The following ARHGAP24 variants were observed in gnomAD, a reference collection of about 807,000 sequenced individuals.
ARHGAP24 encodes rho GTPase-activating protein 24.
ARHGAP24 carries 50 observed loss-of-function variants against 76.4 expected under a neutral mutation model. The observed-to-expected ratio is 0.65, with a 90% confidence interval of 0.52 to 0.83. The LOEUF is 0.83. Ranked by LOEUF, ARHGAP24 falls within the 40% of genes least tolerant of loss-of-function variation. The pLI is 0.00. For missense variants in ARHGAP24, 930 were observed against 914.2 expected, an observed-to-expected ratio of 1.02 and a Z score of -0.22; for synonymous variants, 345 against 323.3, an observed-to-expected ratio of 1.07 and a Z score of -0.72.
chr4:85,995,361 C>T lies in ARHGAP24; in HGVS notation c.1707C>T (p.Asn569=), dbSNP rs948069932. The change falls in exon 9 of 10, where the codon AAC becomes AAT. Residue 569 remains asparagine, a synonymous_variant. Transcript: ENST00000395184. Reference sequence around the variant, plus strand: ...AAATCTCCCTCCCTGAGAACTCCAACTCCTGTCGCTCTTCTACCACCACCT... The same window carrying T: ...AAATCTCCCTCCCTGAGAACTCCAATTCCTGTCGCTCTTCTACCACCACCT... ...SCEISLPENS[N]SCRSSTTTCP... 2.5e-6 allele frequency: 4 copies of T among 1,613,982 alleles called. No individual in the cohort carries two copies. The highest frequency in any genetic ancestry group is 3.4e-6 in the Non-Finnish European group (4 of 1,180,012).
chr4:85,795,732 T>C (rs78851610), intron 3 of ARHGAP24, among the ~76,000 whole-genome samples: 5,389 of 139,740 alleles, frequency 0.039, 119 homozygotes, highest in East Asian at 0.09. Flanking sequence ...TAATGTAATA[T>C]GGTAAAAAAA....
chr4:85,967,489 G>C (rs912038184), intron 5 of ARHGAP24, among the ~76,000 whole-genome samples: 8 of 152,040 alleles, frequency 5.3e-5, no homozygotes, highest in Non-Finnish European at 1.2e-4. Context: ...CTCCCTTTAA[G>C]TTTGTAAAAA....
At chr4:85,954,882 T>C (rs1737821366) in intron 5 of ARHGAP24, among the ~76,000 whole-genome samples, 1 of 152,154 alleles carries the variant, frequency 6.6e-6, no homozygotes, top group Non-Finnish European at 1.5e-5. Flanking sequence ...TGGTGGCGCA[T>C]GCCTGTAATC....
At chr4:85,817,314 G>A (rs1729282483) in intron 3 of ARHGAP24, among the ~76,000 whole-genome samples, 1 of 152,140 alleles carries the variant, frequency 6.6e-6, no homozygotes, top group African/African-American at 2.4e-5. Flanking sequence ...TTTATAAGGA[G>A]TGATATCCAA....
intron 1 of ARHGAP24, among the ~76,000 whole-genome samples, chr4:85,505,143 T>A (rs1356962033): frequency 6.6e-6 from 1 of 152,212 alleles, no homozygotes; most frequent in East Asian, 1.9e-4. Flanking sequence ...TCTCTCTGGC[T>A]GCCCTTAACA....
At chr4:85,828,077 G>A (rs1729807161) in intron 3 of ARHGAP24, 1 of 863,602 alleles carries the variant, frequency 1.2e-6, no homozygotes, top group Non-Finnish European at 1.7e-6. Context: ...CACAAATTCA[G>A]GACCTAGACT....
intron 3 of ARHGAP24, among the ~76,000 whole-genome samples, chr4:85,912,893 G>A (rs4693750): frequency 0.64 from 97,248 of 151,696 alleles, 31,893 homozygotes; most frequent in East Asian, 0.99. Context: ...GATGTTTTCT[G>A]TATTTGTAAA....
At chr4:85,940,831 T>C in intron 4 of ARHGAP24, among the ~76,000 whole-genome samples, 1 of 152,166 alleles carries the variant, frequency 6.6e-6, no homozygotes, top group East Asian at 1.9e-4. Flanking sequence ...AGAATAGTTG[T>C]GTTTCCTGTT....
chr4:85,867,357 G>A lies in ARHGAP24; in HGVS notation c.269-56291G>A, dbSNP rs189692612. Among the ~76,000 whole-genome samples, 1,077 of 152,176 alleles carry A rather than the reference G, an allele frequency of 7.1e-3. 10 individuals are homozygous for A. The highest frequency in any genetic ancestry group is 0.025 in the African/African-American group (1,030 of 41,522). Reference sequence around the variant, plus strand: ...GGATCTTATTGTCATGGATTCTAGTGCGTTTACACTCAAAGTCAAAAGTAA... The same window carrying A: ...GGATCTTATTGTCATGGATTCTAGTACGTTTACACTCAAAGTCAAAAGTAA... On this transcript the variant is annotated intron_variant, in intron 3 of 9. Transcript: ENST00000395184.
chr4:85,896,757 G>T (rs9790433), intron 3 of ARHGAP24, among the ~76,000 whole-genome samples: 50,383 of 151,828 alleles, frequency 0.33, 8,728 homozygotes, highest in South Asian at 0.43. Flanking sequence ...CTTTCTGTTT[G>T]GGGAGCCTCT....
intron 3 of ARHGAP24, among the ~76,000 whole-genome samples, chr4:85,913,161 C>G (rs1735181135): frequency 6.6e-6 from 1 of 152,038 alleles, no homozygotes; most frequent in Non-Finnish European, 1.5e-5. Context: ...TTTCTCTACT[C>G]CTTAATACAT....
intron 3 of ARHGAP24, among the ~76,000 whole-genome samples, chr4:85,903,495 G>C (rs1041123159): frequency 6.6e-6 from 1 of 151,922 alleles, no homozygotes; most frequent in African/African-American, 2.4e-5. Context: ...TCATTTAAAA[G>C]CTGTAAAAAT....
intron 3 of ARHGAP24, among the ~76,000 whole-genome samples, chr4:85,903,147 C>G (rs866219966): frequency 6.6e-6 from 1 of 152,140 alleles, no homozygotes; most frequent in African/African-American, 2.4e-5. Flanking sequence ...TGAGTTTTTT[C>G]TTAAATGAGA....
intron 1 of ARHGAP24, among the ~76,000 whole-genome samples, chr4:85,476,671 A>G (rs1722612086): frequency 6.6e-6 from 1 of 152,246 alleles, no homozygotes; most frequent in South Asian, 2.1e-4. Flanking sequence ...CGGATTAAAT[A>G]CAAACAATCT....
At chr4:85,611,464 A>G (rs992726278) in intron 2 of ARHGAP24, among the ~76,000 whole-genome samples, 16 of 152,236 alleles carry the variant, frequency 1.1e-4, no homozygotes, top group African/African-American at 3.9e-4. Context: ...GAAAAATGAC[A>G]GCTTTAAAAA....
intron 2 of ARHGAP24, among the ~76,000 whole-genome samples, chr4:85,700,869 A>G (rs1724058743): frequency 6.6e-6 from 1 of 152,220 alleles, no homozygotes; most frequent in Non-Finnish European, 1.5e-5. Context: ...TTTCCTTTAT[A>G]TAGTATCTTC....
intron 3 of ARHGAP24, among the ~76,000 whole-genome samples, chr4:85,800,040 T>C (rs576324432): frequency 3.1e-4 from 47 of 152,290 alleles, no homozygotes; most frequent in African/African-American, 9.9e-4. Context: ...AGATCTTCAA[T>C]TGGATCCAGG....
At chr4:85,532,600 C>T (rs1224904514) in intron 1 of ARHGAP24, among the ~76,000 whole-genome samples, 1 of 151,948 alleles carries the variant, frequency 6.6e-6, no homozygotes, top group Non-Finnish European at 1.5e-5. Context: ...TATTTGATAC[C>T]AACTATTATG....
chr4:85,669,693 G>A lies in ARHGAP24; in HGVS notation c.181-52192G>A, dbSNP rs1187888631. 2.8e-3 allele frequency among the ~76,000 whole-genome samples: 204 copies of A among 72,090 alleles called. 1 individual carries two copies. Among genetic ancestry groups the A allele is most frequent in the Non-Finnish European group, 4.5e-3 (155 of 34,466 alleles). 47.3% of individuals were successfully genotyped at this position (72,090 alleles called of 152,430 possible). A position where few individuals can be genotyped will look rare whatever the true frequency, so the allele number is the denominator to read the frequency against. On this transcript the variant is annotated intron_variant, in intron 2 of 9. Coordinates refer to ENST00000395184, the MANE Select transcript of ARHGAP24 (RefSeq NM_001025616.3). ...TATATATATATATATATATATATAT[G>A]TGATATATATAGCTATATTACAAAC...
Sources: gnomAD v4.1 joint callset for allele counts (sites outside exome capture counted in the v4.1 genomes callset) on GRCh38, gnomAD v4.1.1 for gene constraint, MANE v1.5 for transcripts, NCBI Gene and HGNC (gene_info 2026-07-23, HGNC 2026-07-21) for gene names.